CNGB1: variants seen among roughly 807,000 people sequenced by gnomAD.
CNGB1 encodes the protein cyclic nucleotide-gated channel beta-1.
CNGB1 carries 126 observed loss-of-function variants against 151.7 expected under a neutral mutation model. The ratio of observed to expected loss-of-function variants is 0.83; its 90% CI spans 0.72 to 0.96. CNGB1 has a LOEUF of 0.96. CNGB1 is among the 40% of genes least tolerant of loss of function. The probability of loss-of-function intolerance (pLI) is 0.00; values close to 1 mark genes in which losing one functional copy is unlikely to be tolerated. For missense variants in CNGB1, 1,698 were observed against 1,627.0 expected (o/e 1.04, Z -0.75); for synonymous variants, 623 against 635.1 (o/e 0.98, Z 0.29).
At chr16:57,917,637 CACACACACACACAT>C (rs1412736759) in intron 20 of CNGB1, among the ~76,000 whole-genome samples, 161 bp from the exon 21 acceptor site, 13 of 148,068 alleles carry the variant, frequency 8.8e-5, no homozygotes, top group Admixed American at 2.0e-4. Context: ...TACACACACA[CACACACACACACAT>C]ACACACACAC....
chr16:57,950,346 T>A (rs1360744843), intron 13 of CNGB1, 35 bp downstream of exon 13: 6 of 1,613,416 alleles, frequency 3.7e-6, no homozygotes, highest in Non-Finnish European at 5.1e-6. Context: ...TCTCAAACAA[T>A]AACTAATCTT....
At chr16:57,938,010 G>T (rs1175799717) in intron 16 of CNGB1, among the ~76,000 whole-genome samples, 1 of 152,236 alleles carries the variant, frequency 6.6e-6, no homozygotes, top group Non-Finnish European at 1.5e-5. Flanking sequence ...AGGAGATCTT[G>T]TTACCACGAG....
intron 11 of CNGB1, among the ~76,000 whole-genome samples, chr16:57,957,728 G>A (rs1012465764): frequency 1.2e-4 from 19 of 152,314 alleles, no homozygotes; most frequent in African/African-American, 3.8e-4. Flanking sequence ...CTTTGTTTAC[G>A]GAACTCTTTA....
At position 57,940,294 on chromosome 16, in the gene CNGB1, C is replaced by A. The variant is rs775050027; in HGVS notation, c.1149G>T (p.Ser383=). 1 of 1,583,352 alleles carries A rather than the reference C, an allele frequency of 6.3e-7. No homozygotes were observed. Among genetic ancestry groups the A allele is most frequent in the South Asian group, 1.2e-5 (1 of 86,586 alleles). ...CTTCACTCTGGCCCACGCCCACCTGCGACACCACACAGCTATCCAGCAGCA... is the reference window on the plus strand; with the variant it reads ...CTTCACTCTGGCCCACGCCCACCTGAGACACCACACAGCTATCCAGCAGCA... ...TEVLLDSCVV[S]QVGVGQSEED... is the part of the protein sequence containing the mutation. Residue 383 remains serine, a synonymous_variant, in exon 15 of 33, where the codon TCG becomes TCT. Transcript: ENST00000251102.
rs1959977735 is a variant in CNGB1, at chr16:57,887,923, G to A, written c.3394C>T (p.Leu1132Phe). Reference sequence around the variant, plus strand: ...GCCAGTTCTTTGAGCCGGGCCCGGAGGTGAGCAAGTTTGCCGCCTTTTGCC... The same window carrying A: ...GCCAGTTCTTTGAGCCGGGCCCGGAAGTGAGCAAGTTTGCCGCCTTTTGCC... ...KGAKGGKLAH[L>F]RARLKELAAL... Residue 1132 changes from leucine to phenylalanine, a missense_variant, in exon 32 of 33, where the codon CTC (leucine) becomes TTC (phenylalanine). Transcript: ENST00000251102. 6.2e-7 allele frequency: 1 copy of A among 1,614,218 alleles called. No homozygotes were observed. Among genetic ancestry groups the A allele is most frequent in the Non-Finnish European group, 8.5e-7 (1 of 1,180,046 alleles).
intron 11 of CNGB1, 70 bp from the exon 12 acceptor site, chr16:57,957,447 C>T: frequency 2.2e-6 from 3 of 1,393,394 alleles, no homozygotes; most frequent in East Asian, 2.3e-5. Context: ...TTCAGCCACA[C>T]CTTCTAGCAC....
intron 21 of CNGB1, 38 bp downstream of exon 21, chr16:57,917,229 TG>T: frequency 6.4e-7 from 1 of 1,570,506 alleles, no homozygotes; most frequent in Non-Finnish European, 8.7e-7. Flanking sequence ...CTGAGCGGTC[TG>T]CCCCCGGTCA....
In CNGB1 at chr16:57,917,501, C is replaced by G. The variant is rs776218126; in HGVS notation, c.1958-25G>C. The G allele has an allele frequency of 2.5e-6, 4 of 1,611,110 alleles. No homozygotes were observed. The South Asian group carries it at 4.4e-5, about 18-fold the overall frequency. Reference sequence around the variant, plus strand: ...TCTGTGGGGAAGGTTGACGGGGACGCTAGAGCATCAGCCAGGCAAGGCTCT... The same window carrying G: ...TCTGTGGGGAAGGTTGACGGGGACGGTAGAGCATCAGCCAGGCAAGGCTCT... On this transcript the variant is annotated intron_variant, in intron 20 of 32. Transcript: ENST00000251102.
At chr16:57,937,179 T>A (rs1051777329) in intron 16 of CNGB1, 6 of 152,384 alleles carry the variant, frequency 3.9e-5, no homozygotes, top group African/African-American at 1.5e-4. Context: ...GGGATGCGGG[T>A]GATTGGGATG....
chr16:57,949,321 G>T (rs1203408760), intron 14 of CNGB1, 32 bp downstream of exon 14: 1 of 1,604,522 alleles, frequency 6.2e-7, no homozygotes, highest in East Asian at 2.2e-5. Context: ...CAGCCCCAGG[G>T]CCGTTCCCAG....
At chr16:57,905,420 T>C (rs1960522081) in intron 25 of CNGB1, among the ~76,000 whole-genome samples, 1 of 152,196 alleles carries the variant, frequency 6.6e-6, no homozygotes, top group Non-Finnish European at 1.5e-5. Context: ...AGTTGGTAAG[T>C]ACAAGAGCTG....
chr16:57,910,269 T>A (rs1960673084), intron 25 of CNGB1, among the ~76,000 whole-genome samples: 2 of 152,236 alleles, frequency 1.3e-5, no homozygotes, highest in Non-Finnish European at 2.9e-5. Flanking sequence ...AGAGGCTTCA[T>A]CTGCATGAAA....
At chr16:57,952,720 C>T (rs369228870) in intron 12 of CNGB1, among the ~76,000 whole-genome samples, 1 of 151,926 alleles carries the variant, frequency 6.6e-6, no homozygotes, top group Non-Finnish European at 1.5e-5. Context: ...AGGCTGGTCT[C>T]GAACTCCTGA....
intron 2 of CNGB1, among the ~76,000 whole-genome samples, chr16:57,965,563 A>G (rs951734320): frequency 2.0e-5 from 3 of 152,158 alleles, no homozygotes; most frequent in African/African-American, 7.2e-5. Flanking sequence ...ATGCATATAC[A>G]CACAGATTTC....
At chr16:57,955,845 G>C (rs1040769574) in intron 12 of CNGB1, among the ~76,000 whole-genome samples, 10 of 152,204 alleles carry the variant, frequency 6.6e-5, no homozygotes, top group African/African-American at 2.4e-4. Flanking sequence ...GTCTCGCTCA[G>C]AGCCCCAGGA....
Position 57,897,871 on chromosome 16 carries a change from A to T in CNGB1, c.3020T>A (p.Val1007Glu). The T allele has an allele frequency of 1.2e-6, 2 of 1,614,174 alleles. No individual in the cohort carries two copies. Among genetic ancestry groups the T allele is most frequent in the Non-Finnish European group, 1.7e-6 (2 of 1,180,030 alleles). Residue 1007 changes from valine to glutamate, a missense_variant, in exon 30 of 33, where the codon GTG (valine) becomes GAG (glutamate). Physicochemically the swap from Val to Glu is moderately radical, Grantham distance 121 (BLOSUM62 -2). Transcript: ENST00000251102. ...REMYIIQAGQ[V>E]QVLGGPDGKS... The stretch of plus-strand genomic sequence containing the variant: ...CCCATCAGGGCCGCCCAAGACCTGC[A>T]CTTGCCCTGCCTGGATGATGTACAT...
At chr16:57,903,784 A>G in intron 27 of CNGB1, 38 bp downstream of exon 27, 2 of 1,612,788 alleles carry the variant, frequency 1.2e-6, no homozygotes, top group Non-Finnish European at 1.7e-6. Context: ...ACAGGAGTTG[A>G]CTGGGAGCTG....
chr16:57,955,949 A>G (rs1962074047), intron 12 of CNGB1, among the ~76,000 whole-genome samples: 1 of 152,192 alleles, frequency 6.6e-6, no homozygotes, highest in Admixed American at 6.5e-5. Flanking sequence ...CAGTGTGCGC[A>G]CATCTGTTAC....
intron 12 of CNGB1, among the ~76,000 whole-genome samples, chr16:57,952,050 A>G (rs1209195395): frequency 1.2e-4 from 18 of 152,234 alleles, no homozygotes; most frequent in Admixed American, 1.2e-3. Context: ...GTGTCAGTCT[A>G]TGCTGCTGTC....
Sources: allele counts gnomAD v4.1 joint callset (sites outside exome capture counted in the v4.1 genomes callset), GRCh38; gene constraint gnomAD v4.1.1; transcripts MANE v1.5; gene names NCBI Gene and HGNC (gene_info 2026-07-23, HGNC 2026-07-21).